The following PCNT variants were observed in gnomAD, a reference collection of about 807,000 sequenced individuals.
The protein encoded by PCNT is pericentrin.
Under a neutral mutation model 380.4 loss-of-function variants are expected in PCNT, and 319 were observed. That is an observed-to-expected ratio of 0.84 (90% CI 0.77 to 0.92). PCNT has a LOEUF of 0.92. PCNT is among the 40% of genes least tolerant of loss of function. PCNT has a pLI of 0.00. For missense variants in PCNT, 4,400 were observed against 4,255.3 expected (o/e 1.03, Z -0.95); for synonymous variants, 1,845 against 1,735.2 (o/e 1.06, Z -1.57).
At chr21:46,339,062 G>A (rs182826890) in intron 3 of PCNT, among the ~76,000 whole-genome samples, 6 of 152,074 alleles carry the variant, frequency 3.9e-5, no homozygotes, top group Non-Finnish European at 8.8e-5. Context: ...GATTACAGGC[G>A]TGAGCCACCG....
intron 15 of PCNT, among the ~76,000 whole-genome samples, chr21:46,372,348 C>T (rs1288568073): frequency 3.3e-5 from 5 of 151,986 alleles, no homozygotes; most frequent in Admixed American, 6.5e-5. Context: ...CACATGCACA[C>T]GTGCTTACAC....
intron 29 of PCNT, among the ~76,000 whole-genome samples, chr21:46,415,064 G>T (rs1175883122): frequency 6.6e-6 from 1 of 152,240 alleles, no homozygotes; most frequent in Non-Finnish European, 1.5e-5. Flanking sequence ...GGGCTCACCC[G>T]AGCCCCTCGC....
chr21:46,368,190 A>C (rs113106949), intron 15 of PCNT, among the ~76,000 whole-genome samples: 37 of 152,198 alleles, frequency 2.4e-4, no homozygotes, highest in African/African-American at 8.7e-4. Flanking sequence ...TCACACCTGT[A>C]ATCCCAGCAC....
intron 8 of PCNT, 37 bp downstream of exon 8, chr21:46,349,857 T>C (rs777074642): frequency 6.2e-7 from 1 of 1,601,290 alleles, no homozygotes; most frequent in African/African-American, 1.3e-5. Flanking sequence ...ACTTGGTATA[T>C]TAGGGAAGTT....
At chr21:46,344,405 G>A (rs1453314519) in intron 3 of PCNT, among the ~76,000 whole-genome samples, 1 of 152,200 alleles carries the variant, frequency 6.6e-6, no homozygotes, top group Non-Finnish European at 1.5e-5. Flanking sequence ...AGATGTTGCT[G>A]CACTCATGTG....
chr21:46,437,102 G>C, intron 40 of PCNT, 21 bp downstream of exon 40: 1 of 1,569,602 alleles, frequency 6.4e-7, no homozygotes, highest in East Asian at 2.2e-5. Flanking sequence ...AGCGCCCCCA[G>C]GTCCCTGGCC....
At chr21:46,363,979 A>G in intron 14 of PCNT, 45 bp downstream of exon 14, 3 of 1,558,014 alleles carry the variant, frequency 1.9e-6, no homozygotes, top group Non-Finnish European at 2.6e-6. Context: ...GAGGCCAGAC[A>G]CCTTGGAGGG....
intron 1 of PCNT, among the ~76,000 whole-genome samples, chr21:46,325,727 C>G (rs1329163127): frequency 6.6e-6 from 1 of 152,154 alleles, no homozygotes; most frequent in Non-Finnish European, 1.5e-5. Context: ...TTGAGTAAGA[C>G]GTTAGCGGGA....
Position 46,391,389 on chromosome 21 carries a change from GGCTGTGGAGGGTGGTGCGA to G in PCNT, c.4216+21_4216+39del. ...GCCAGAGAAGCTGGTAAGGAGCGCG[GGCTGTGGAGGGTGGTGCGA>G]GCTGTGGGGCGCGGATACAGCTGCC... On this transcript the variant is annotated intron_variant, in intron 21 of 46. Coordinates refer to ENST00000359568, the MANE Select transcript of PCNT (RefSeq NM_006031.6). 1 of 1,543,352 alleles carries G rather than the reference GGCTGTGGAGGGTGGTGCGA, an allele frequency of 6.5e-7. No individual in the cohort carries two copies. The highest frequency in any genetic ancestry group is 1.2e-5 in the South Asian group (1 of 83,788).
At chr21:46,382,011 G>T (rs79769247) in intron 16 of PCNT, among the ~76,000 whole-genome samples, 171 bp downstream of exon 16, 8 of 141,388 alleles carry the variant, frequency 5.7e-5, no homozygotes, top group Non-Finnish European at 1.1e-4. Flanking sequence ...ATTCAGTGGC[G>T]GAAGCGCATT....
At chr21:46,345,011 T>C (rs915996131) in intron 3 of PCNT, among the ~76,000 whole-genome samples, 3 of 152,250 alleles carry the variant, frequency 2.0e-5, no homozygotes, top group African/African-American at 7.2e-5. Flanking sequence ...TTTGCTGATT[T>C]AGTGGCCATA....
At chr21:46,403,223 G>C (rs2147519635) in intron 27 of PCNT, among the ~76,000 whole-genome samples, 1 of 139,662 alleles carries the variant, frequency 7.2e-6, no homozygotes, top group African/African-American at 2.5e-5. Context: ...TGTGTGTGGT[G>C]CCCACGCGGC....
chr21:46,367,185 G>A lies in PCNT; in HGVS notation c.3165+46G>A, dbSNP rs1366707036. On this transcript the variant is annotated intron_variant, in intron 15 of 46. Transcript: ENST00000359568. Reference sequence around the variant, plus strand: ...CCCAGCCCAGGGCAGGCCTCTCCTCGCTGCCTGTGTGTTTCCACCGCGTGT... The same window carrying A: ...CCCAGCCCAGGGCAGGCCTCTCCTCACTGCCTGTGTGTTTCCACCGCGTGT... The A allele has an allele frequency of 1.0e-5, 16 of 1,528,118 alleles. No individual in the cohort carries two copies. In the East Asian group the frequency reaches 2.3e-4, roughly 22 times the overall value. 94.7% of individuals were successfully genotyped at this position (1,528,118 alleles called of 1,614,324 possible).
chr21:46,327,936 C>T (rs1221210763), intron 2 of PCNT, among the ~76,000 whole-genome samples: 1 of 152,164 alleles, frequency 6.6e-6, no homozygotes, highest in Non-Finnish European at 1.5e-5. Flanking sequence ...AGGGGCTGGC[C>T]TTCCGGGCTC....
chr21:46,397,210 C>T, intron 21 of PCNT, 55 bp from the exon 22 acceptor site: 3 of 1,373,358 alleles, frequency 2.2e-6, no homozygotes, highest in Non-Finnish European at 3.1e-6. Context: ...ACGTGTCATG[C>T]ACCAGCCTCT....
At chr21:46,427,468 A>C (rs1441407852) in intron 33 of PCNT, among the ~76,000 whole-genome samples, 154 bp from the exon 34 acceptor site, 1 of 152,102 alleles carries the variant, frequency 6.6e-6, no homozygotes, top group Non-Finnish European at 1.5e-5. Flanking sequence ...ACAGCGAGTG[A>C]GCTCTGGTGT....
chr21:46,412,853 T>C lies in PCNT; in HGVS notation c.6011T>C (p.Val2004Ala), dbSNP rs1045812521. 6.2e-7 allele frequency: 1 copy of C among 1,612,140 alleles called. No homozygotes were observed. The highest frequency in any genetic ancestry group is 8.5e-7 in the Non-Finnish European group (1 of 1,180,032). ...TCTGTCAAGGGTGATCTGCAGCCTG[T>C]CCTGGTGACGTTGAAGGATGCACCT... is the stretch of plus-strand genomic sequence containing the variant. The part of the protein sequence containing the change: ...VPDPQGDLQP[V>A]LVTLKDAPLC... The change falls in exon 29 of 47, where the codon GTC becomes GCC. Residue 2004 changes from valine (V) to alanine (A), a missense_variant. Physicochemically the swap from Val to Ala is moderately conservative, Grantham distance 64. Transcript: ENST00000359568.
chr21:46,422,667 G>T (rs1161916367), intron 32 of PCNT, among the ~76,000 whole-genome samples: 1 of 152,220 alleles, frequency 6.6e-6, no homozygotes, highest in Non-Finnish European at 1.5e-5. Flanking sequence ...GTGATAGAAT[G>T]ATGCCACTAC....
At chr21:46,327,674 C>G (rs577915127) in intron 2 of PCNT, among the ~76,000 whole-genome samples, 1 of 152,214 alleles carries the variant, frequency 6.6e-6, no homozygotes, top group African/African-American at 2.4e-5. Flanking sequence ...CGTGTGTGGT[C>G]GTGTCAGCCC....
Sources: allele counts gnomAD v4.1 joint callset (sites outside exome capture counted in the v4.1 genomes callset), GRCh38; gene constraint gnomAD v4.1.1; transcripts MANE v1.5; gene names NCBI Gene and HGNC (gene_info 2026-07-23, HGNC 2026-07-21).